Variants in MTMR7 observed in about 807,000 individuals in gnomAD.
MTMR7 encodes the protein phosphatidylinositol-3-phosphate phosphatase MTMR7.
In MTMR7, 76 loss-of-function variants were observed where a neutral mutation model predicts 81.2. The ratio of observed to expected loss-of-function variants is 0.94; its 90% CI spans 0.78 to 1.13. The LOEUF (loss-of-function observed/expected upper bound fraction) is 1.13, where lower values mean the gene tolerates loss of function less well. MTMR7 is among the 50% of genes most tolerant of loss of function. MTMR7 has a pLI of 0.00. For missense variants in MTMR7, 1,044 were observed against 820.0 expected, an observed-to-expected ratio of 1.27 and a Z score of -3.34; for synonymous variants, 372 against 289.8, an observed-to-expected ratio of 1.28 and a Z score of -2.88.
chr8:17,300,319 G>A lies in MTMR7; in HGVS notation c.1621-95C>T, dbSNP rs190962152. The A allele has an allele frequency of 2.1e-5, 27 of 1,309,244 alleles. No individual in the cohort carries two copies. The South Asian group carries it at 2.6e-4, about 12-fold the overall frequency. 81.1% of individuals were successfully genotyped at this position (1,309,244 alleles called of 1,614,324 possible). ...TTAGCATTTGTTACCTCCCACGTGG[G>A]TATAATGTTAAGAACATGTGACTCA... On this transcript the variant is annotated intron_variant, in intron 13 of 13. Coordinates refer to ENST00000180173, the MANE Select transcript of MTMR7 (RefSeq NM_004686.5).
At chr8:17,364,339 T>G (rs1820156156) in intron 3 of MTMR7, among the ~76,000 whole-genome samples, 1 of 152,134 alleles carries the variant, frequency 6.6e-6, no homozygotes, top group Non-Finnish European at 1.5e-5. Context: ...GGTCAAAAAG[T>G]GATGTTATGA....
At chr8:17,402,429 T>C (rs1048087105) in intron 1 of MTMR7, among the ~76,000 whole-genome samples, 1 of 152,184 alleles carries the variant, frequency 6.6e-6, no homozygotes, top group African/African-American at 2.4e-5. Context: ...CCCCAGCCTC[T>C]GATAACCATC....
At chr8:17,321,016 G>C (rs768999498) in intron 7 of MTMR7, among the ~76,000 whole-genome samples, 1 of 151,874 alleles carries the variant, frequency 6.6e-6, no homozygotes, top group African/African-American at 2.4e-5. Flanking sequence ...TTACTGAACA[G>C]GCCAAACTTT....
intron 1 of MTMR7, among the ~76,000 whole-genome samples, chr8:17,378,139 G>T (rs987515877): frequency 6.6e-6 from 1 of 152,078 alleles, no homozygotes; most frequent in African/African-American, 2.4e-5. Context: ...AACTTTGGAT[G>T]CTGCTGCAGG....
At chr8:17,321,197 T>G (rs1410895147) in intron 7 of MTMR7, among the ~76,000 whole-genome samples, 1 of 152,162 alleles carries the variant, frequency 6.6e-6, no homozygotes, top group Non-Finnish European at 1.5e-5. Context: ...AGTTTAAAAA[T>G]AAAGACACTG....
At chr8:17,325,307 A>G (rs1358042473) in intron 7 of MTMR7, among the ~76,000 whole-genome samples, 2 of 152,150 alleles carry the variant, frequency 1.3e-5, no homozygotes, top group Admixed American at 6.6e-5. Context: ...GACAACTCCA[A>G]GTGCTCTGCC....
intron 6 of MTMR7, 125 bp from the exon 7 acceptor site, chr8:17,331,407 T>A: frequency 2.0e-6 from 2 of 988,744 alleles, no homozygotes; most frequent in Non-Finnish European, 2.9e-6. Context: ...ATAATACGCT[T>A]ATTTGAATCA....
At position 17,305,054 on chromosome 8, in the gene MTMR7, T is replaced by C. The variant is rs529308417; in HGVS notation, c.1353-535A>G. ...ACAGGTGACCCTAAAGGATACACTC[T>C]GCTCCTTCTAAATCATCTCCATCTC... On this transcript the variant is annotated intron_variant, in intron 11 of 13. Coordinates refer to ENST00000180173, the MANE Select transcript of MTMR7 (RefSeq NM_004686.5). Among the ~76,000 whole-genome samples the C allele has an allele frequency of 7.2e-5, 11 of 152,348 alleles. No individual in the cohort carries two copies. In the East Asian group the frequency reaches 1.9e-3, roughly 27 times the overall value.
At chr8:17,348,258 C>A (rs1819619550) in intron 5 of MTMR7, among the ~76,000 whole-genome samples, 1 of 152,066 alleles carries the variant, frequency 6.6e-6, no homozygotes, top group Non-Finnish European at 1.5e-5. Flanking sequence ...GGTAATAAGG[C>A]CGGGCACAGT....
chr8:17,329,013 C>A (rs1285825605), intron 7 of MTMR7, among the ~76,000 whole-genome samples: 3 of 152,228 alleles, frequency 2.0e-5, no homozygotes, highest in African/African-American at 7.2e-5. Context: ...CTCTTGCTCA[C>A]AGACAGCTGT....
chr8:17,384,054 T>C (rs537606224), intron 1 of MTMR7, among the ~76,000 whole-genome samples: 8 of 152,294 alleles, frequency 5.3e-5, no homozygotes, highest in African/African-American at 1.9e-4. Context: ...AATGATCCCA[T>C]CTGTAACTAA....
chr8:17,341,473 G>C lies in MTMR7; in HGVS notation c.622C>G (p.Pro208Ala), dbSNP rs1819405717. Residue 208 changes from proline (P) to alanine (A), a missense_variant, in exon 6 of 14, where the codon CCC becomes GCC. Coordinates refer to ENST00000180173, the MANE Select transcript of MTMR7 (RefSeq NM_004686.5). The stretch of plus-strand genomic sequence containing the variant: ...CACCGGGCACTGAAGCCGGACAGGG[G>C]CTGGCTGCTCCGGCAGATGGAGGCC... ...NHASICRSSQ[P>A]LSGFSARCLE... 1 of 1,613,848 alleles carries C rather than the reference G, an allele frequency of 6.2e-7. No individual in the cohort carries two copies. Among genetic ancestry groups the C allele is most frequent in the Non-Finnish European group, 8.5e-7 (1 of 1,180,036 alleles).
chr8:17,322,755 T>TCAG (rs1415329768), intron 7 of MTMR7, among the ~76,000 whole-genome samples: 6 of 151,884 alleles, frequency 4.0e-5, no homozygotes, highest in African/African-American at 1.5e-4. Context: ...AGCCCAGGAG[T>TCAG]CAGAGGCTGC....
intron 6 of MTMR7, among the ~76,000 whole-genome samples, chr8:17,337,903 A>T (rs1292312089): frequency 6.6e-6 from 1 of 152,082 alleles, no homozygotes. Context: ...GGAAGTTCTC[A>T]TGTGGGGCTA....
At chr8:17,374,680 G>C (rs766881853) in intron 1 of MTMR7, among the ~76,000 whole-genome samples, 1 of 152,078 alleles carries the variant, frequency 6.6e-6, no homozygotes, top group African/African-American at 2.4e-5. Flanking sequence ...TGGGGTGGTA[G>C]CAGGTGCCTG....
At chr8:17,302,491 GA>G (rs1348392813) in intron 12 of MTMR7, 8 of 483,912 alleles carry the variant, frequency 1.7e-5, no homozygotes, top group African/African-American at 7.9e-5. Context: ...ATAAGTTTAT[GA>G]AAAGTCTGCC....
intron 1 of MTMR7, among the ~76,000 whole-genome samples, chr8:17,384,542 T>A (rs759065124): frequency 1.3e-5 from 2 of 152,176 alleles, no homozygotes; most frequent in Non-Finnish European, 2.9e-5. Context: ...CAATAGAGTA[T>A]GCAAAAAATA....
At chr8:17,305,687 G>C in intron 11 of MTMR7, 70 bp downstream of exon 11, 2 of 1,357,266 alleles carry the variant, frequency 1.5e-6, no homozygotes, top group South Asian at 1.3e-5. Flanking sequence ...ATTATGAAAG[G>C]CCACCTAAAA....
chr8:17,370,981 G>C (rs931563081), intron 3 of MTMR7, 56 bp downstream of exon 3: 11 of 1,565,748 alleles, frequency 7.0e-6, no homozygotes, highest in Non-Finnish European at 8.7e-6. Context: ...TCTTGAATCT[G>C]ATTTGCAAAT....
Sources: allele counts gnomAD v4.1 joint callset (sites outside exome capture counted in the v4.1 genomes callset), GRCh38; gene constraint gnomAD v4.1.1; transcripts MANE v1.5; gene names NCBI Gene and HGNC (gene_info 2026-07-23, HGNC 2026-07-21).